PABIR3: variants seen among roughly 807,000 people sequenced by gnomAD.
The protein encoded by PABIR3 is PABIR family member 1.
PABIR3 carries 20 observed loss-of-function variants against 23.1 expected under a neutral mutation model. The ratio of observed to expected loss-of-function variants is 0.86; its 90% confidence interval spans 0.61 to 1.26. PABIR3 has a LOEUF of 1.26. Ranked by LOEUF, PABIR3 falls within the 50% of genes most tolerant of loss-of-function variation. The pLI, the probability that PABIR3 is intolerant of heterozygous loss-of-function variation, is 0.00. For synonymous variants in PABIR3, 69 were observed against 68.5 expected (o/e 1.01, Z -0.04); for missense variants, 189 against 195.4 (o/e 0.97, Z 0.20).
the PABIR3 span, among the ~76,000 whole-genome samples, chrX:134,861,860 G>A: frequency 3.6e-5 from 4 of 110,693 alleles, no homozygotes; most frequent in African/African-American, 9.8e-5. Flanking sequence ...CATTCTGAAA[G>A]CCCAAGAAAG....
At chrX:134,821,502 C>T (rs2081294428) in intron 3 of PABIR3, 1 of 1,152,649 alleles carries the variant, frequency 8.7e-7, no homozygotes, top group South Asian at 1.9e-5. Flanking sequence ...CCGGATGTCA[C>T]TGCGTCACTT....
At chrX:134,861,346 C>T in the PABIR3 span, among the ~76,000 whole-genome samples, 49 of 109,639 alleles carry the variant, frequency 4.5e-4, no homozygotes, top group Non-Finnish European at 8.0e-4. Flanking sequence ...GAATTGTATA[C>T]CTAAGCATGG....
intron 4 of PABIR3, among the ~76,000 whole-genome samples, chrX:134,844,718 G>A (rs994208525): frequency 9.0e-6 from 1 of 111,139 alleles, no homozygotes; most frequent in African/African-American, 3.3e-5. Flanking sequence ...GTTTTCTGAT[G>A]TCAATGACTA....
At chrX:134,811,483 G>A (rs374040342) in intron 2 of PABIR3, among the ~76,000 whole-genome samples, 15 of 109,713 alleles carry the variant, frequency 1.4e-4, no homozygotes, top group African/African-American at 4.6e-4. Context: ...CTGCCTCCTG[G>A]GCTCAAGCGA....
At chrX:134,810,245 C>T (rs2080567769) in intron 2 of PABIR3, 24 of 754,299 alleles carry the variant, frequency 3.2e-5, no homozygotes, top group Non-Finnish European at 3.8e-5. Context: ...ACAGAGAGAT[C>T]TCAGTTATCC....
the PABIR3 span, among the ~76,000 whole-genome samples, chrX:134,859,912 T>C: frequency 1.8e-5 from 2 of 111,184 alleles, no homozygotes; most frequent in African/African-American, 6.5e-5. Context: ...AAAATTACAT[T>C]ATCCAGCAGA....
chrX:134,811,957 C>A (rs1024421296), intron 2 of PABIR3, among the ~76,000 whole-genome samples: 2 of 112,255 alleles, frequency 1.8e-5, no homozygotes, highest in African/African-American at 6.5e-5. Flanking sequence ...AAAAGTTTGC[C>A]CATCTTCTGG....
At chrX:134,821,244 T>TAAAAAA in intron 3 of PABIR3, 34 of 570,850 alleles carry the variant, frequency 6.0e-5, no homozygotes, top group Admixed American at 2.1e-4. Flanking sequence ...CCAAGCATTG[T>TAAAAAA]AAAAAAAAAA....
intron 4 of PABIR3, among the ~76,000 whole-genome samples, chrX:134,843,355 T>G (rs938453917): frequency 2.4e-4 from 26 of 110,171 alleles, no homozygotes; most frequent in African/African-American, 8.6e-4. Flanking sequence ...ATTTAGAGTT[T>G]TATCTTTTAA....
upstream of PABIR3, among the ~76,000 whole-genome samples, chrX:134,806,210 GAT>G (rs1338015077): frequency 8.9e-6 from 1 of 112,361 alleles, no homozygotes; most frequent in East Asian, 2.8e-4. Context: ...TAAATTCTGA[GAT>G]ATTTGTTTTT....
intron 3 of PABIR3, among the ~76,000 whole-genome samples, chrX:134,826,869 A>G (rs1451125854): frequency 8.9e-6 from 1 of 112,521 alleles, no homozygotes; most frequent in Non-Finnish European, 1.9e-5. Context: ...AAGCAGCAAT[A>G]TGATACATTT....
intron 3 of PABIR3, among the ~76,000 whole-genome samples, chrX:134,815,401 C>G (rs1282592464): frequency 9.0e-6 from 1 of 111,540 alleles, no homozygotes; most frequent in Admixed American, 9.5e-5. Flanking sequence ...GATCAGTAAG[C>G]CAAGGTGAAT....
rs201337470 is a variant in PABIR3 at position 134,852,281 on chromosome X, CCT to C, written c.590-518_590-517del. 9.8e-3 allele frequency among the ~76,000 whole-genome samples: 1,089 copies of C among 111,176 alleles called. 8 individuals are homozygous for C. Among genetic ancestry groups the C allele is most frequent in the Non-Finnish European group, 0.016 (834 of 53,042 alleles). On this transcript the variant is annotated intron_variant, in intron 9 of 10. Transcript: ENST00000645433. ...CCTGAGGCCAGGAATTTGAGACCAG[CCT>C]GGCCAACATGGTGAAACCCCGTCTC...
At chrX:134,832,526 T>A (rs1224908285) in intron 4 of PABIR3, among the ~76,000 whole-genome samples, 1 of 103,036 alleles carries the variant, frequency 9.7e-6, no homozygotes, top group Non-Finnish European at 2.0e-5. Flanking sequence ...CTCAGCCTGC[T>A]GAGTAGCTAG....
chrX:134,822,783 G>A, intron 3 of PABIR3: 10 of 296,769 alleles, frequency 3.4e-5, no homozygotes, highest in Non-Finnish European at 4.5e-5. Context: ...GGGAGGATGT[G>A]AGGAGGGAAG....
chrX:134,819,034 T>C (rs2081136211), intron 3 of PABIR3, among the ~76,000 whole-genome samples: 1 of 105,213 alleles, frequency 9.5e-6, no homozygotes. Flanking sequence ...CCTCCTGGGT[T>C]CAAGCGATTC....
At chrX:134,807,220 G>A (rs2080287824), upstream of PABIR3, 2 of 840,015 alleles carry the variant, frequency 2.4e-6, no homozygotes, top group Non-Finnish European at 2.9e-6. Context: ...TGTCAAAGGC[G>A]GCAGATTGTA....
chrX:134,828,047 C>CTCTCTCTCTCTCTATATATATA (rs1466733144), intron 3 of PABIR3, among the ~76,000 whole-genome samples: 1 of 49,407 alleles, frequency 2.0e-5, no homozygotes, highest in African/African-American at 8.2e-5. Flanking sequence ...CTCTCTCTCT[C>CTCTCTCTCTCTCTATATATATA]TATATATATA....
chrX:134,833,419 C>T (rs952765201), intron 4 of PABIR3, among the ~76,000 whole-genome samples: 1 of 111,483 alleles, frequency 9.0e-6, no homozygotes, highest in African/African-American at 3.3e-5. Flanking sequence ...TCCTTAATGT[C>T]ATCTAAATCC....
Sources: gnomAD v4.1 joint callset for allele counts (sites outside exome capture counted in the v4.1 genomes callset) on GRCh38, gnomAD v4.1.1 for gene constraint, MANE v1.5 for transcripts, NCBI Gene and HGNC (gene_info 2026-07-23, HGNC 2026-07-21) for gene names.